Variants in SP100 observed in about 807,000 individuals in gnomAD.
The protein encoded by SP100 is SP100 nuclear body protein, also known as nuclear autoantigen Sp-100.
A neutral mutation model predicts 130.0 loss-of-function variants in SP100; 84 were observed. That is an observed-to-expected ratio of 0.65 (90% CI 0.54 to 0.77). The LOEUF (loss-of-function observed/expected upper bound fraction) is 0.77, where lower values mean the gene tolerates loss of function less well. Ranked by LOEUF, SP100 falls within the 30% of genes least tolerant of loss-of-function variation. The pLI is 0.00. For synonymous variants in SP100, 331 were observed against 351.7 expected, an observed-to-expected ratio of 0.94 and a Z score of 0.66; for missense variants, 978 against 1,052.2, an observed-to-expected ratio of 0.93 and a Z score of 0.97.
chr2:230,450,662 A>T (rs754689588), intron 8 of SP100, among the ~76,000 whole-genome samples: 2 of 152,166 alleles, frequency 1.3e-5, no homozygotes, highest in African/African-American at 2.4e-5. Context: ...TGTTACCACC[A>T]TATACTCTCA....
At chr2:230,528,433 T>G (rs28826020) in intron 24 of SP100, among the ~76,000 whole-genome samples, 3,868 of 152,296 alleles carry the variant, frequency 0.025, 159 homozygotes, top group African/African-American at 0.088. Context: ...AGGCAGTGTG[T>G]AGAGGGAAAT....
intron 8 of SP100, among the ~76,000 whole-genome samples, chr2:230,452,504 T>C (rs1051771449): frequency 6.6e-6 from 1 of 152,226 alleles, no homozygotes; most frequent in African/African-American, 2.4e-5. Context: ...GGTATTGCAC[T>C]GAATCTTTAG....
intron 8 of SP100, 56 bp downstream of exon 8, chr2:230,450,311 TTTGG>T (rs878983393): frequency 8.4e-5 from 115 of 1,370,456 alleles, no homozygotes; most frequent in Middle Eastern, 1.8e-4. Context: ...ATGCTATACA[TTTGG>T]TTGGTTGGTT....
chr2:230,468,274 C>CA, intron 13 of SP100, among the ~76,000 whole-genome samples: 1 of 152,094 alleles, frequency 6.6e-6, no homozygotes, highest in Admixed American at 6.5e-5. Context: ...CTTCAAAGTT[C>CA]AAAAAATGTT....
At chr2:230,417,687 CTTGTT>C (rs1375472207) in intron 2 of SP100, 22 bp downstream of exon 2, 7 of 1,604,308 alleles carry the variant, frequency 4.4e-6, no homozygotes, top group Non-Finnish European at 5.9e-6. Flanking sequence ...AGAGTTATGT[CTTGTT>C]TTAATTTGTA....
At chr2:230,492,381 T>G (rs1345762970) in intron 17 of SP100, among the ~76,000 whole-genome samples, 3 of 152,178 alleles carry the variant, frequency 2.0e-5, no homozygotes. Flanking sequence ...CAATATTAGC[T>G]GCAACCTCTA....
chr2:230,422,524 A>T (rs1390227530), intron 2 of SP100, among the ~76,000 whole-genome samples: 1 of 151,966 alleles, frequency 6.6e-6, no homozygotes, highest in Non-Finnish European at 1.5e-5. Flanking sequence ...ACACTGGCTT[A>T]CTCCTTGTCA....
chr2:230,440,963 AAAAAT>A (rs2063447429), intron 2 of SP100, among the ~76,000 whole-genome samples: 1 of 152,182 alleles, frequency 6.6e-6, no homozygotes, highest in African/African-American at 2.4e-5. Context: ...TAAAAGAAAA[AAAAAT>A]AAATTGGATT....
chr2:230,497,492 GAGA>G lies in SP100; in HGVS notation c.1646-968_1646-966del, dbSNP rs1559520367. On this transcript the variant is annotated intron_variant, in intron 18 of 28. Transcript: ENST00000340126. Reference sequence around the variant, plus strand: ...AGGAGGGGAGGGGAGGGGAGGGGAGGAGAGGAGAGGAGAGGAGAGGAGAGGAGA... The same window carrying G: ...AGGAGGGGAGGGGAGGGGAGGGGAGGGGAGAGGAGAGGAGAGGAGAGGAGA... 6.4e-4 allele frequency among the ~76,000 whole-genome samples: 16 copies of G among 25,004 alleles called. No individual in the cohort carries two copies. In the South Asian group the frequency reaches 9.3e-3, roughly 15 times the overall value. The allele number at this position is 25,004 out of a possible 152,430, so 16.4% of individuals were successfully genotyped here.
At chr2:230,516,816 G>A (rs1031688726) in intron 24 of SP100, among the ~76,000 whole-genome samples, 1 of 152,086 alleles carries the variant, frequency 6.6e-6, no homozygotes, top group Non-Finnish European at 1.5e-5. Context: ...CAATTGACAA[G>A]GAAATTTAGA....
intron 19 of SP100, among the ~76,000 whole-genome samples, chr2:230,499,491 C>A (rs200307910): frequency 8.7e-6 from 1 of 115,288 alleles, no homozygotes; most frequent in African/African-American, 2.9e-5. Flanking sequence ...TCTCTCTCTC[C>A]CCCTATATAT....
At chr2:230,440,314 A>G (rs1364213620) in intron 2 of SP100, among the ~76,000 whole-genome samples, 1 of 152,078 alleles carries the variant, frequency 6.6e-6, no homozygotes, top group African/African-American at 2.4e-5. Context: ...GCAATGCCAT[A>G]AATTCATGGT....
At chr2:230,431,669 AT>A (rs969995281) in intron 2 of SP100, among the ~76,000 whole-genome samples, 1 of 151,294 alleles carries the variant, frequency 6.6e-6, no homozygotes, top group Admixed American at 6.6e-5. Context: ...CTGGAAGACT[AT>A]TTTTTTTTAC....
chr2:230,434,104 T>G (rs549130924), intron 2 of SP100, among the ~76,000 whole-genome samples: 233 of 151,970 alleles, frequency 1.5e-3, no homozygotes, highest in African/African-American at 5.4e-3. Flanking sequence ...TTCCCTAACA[T>G]TTATTCTGAA....
intron 16 of SP100, among the ~76,000 whole-genome samples, chr2:230,474,188 A>T (rs2065418567): frequency 6.6e-6 from 1 of 152,242 alleles, no homozygotes; most frequent in African/African-American, 2.4e-5. Context: ...GCATAAAAGT[A>T]ATGAAGAGCT....
intron 24 of SP100, among the ~76,000 whole-genome samples, chr2:230,530,476 C>T (rs1448348070): frequency 2.6e-5 from 4 of 152,098 alleles, no homozygotes; most frequent in African/African-American, 9.7e-5. Context: ...CCATAAAAAC[C>T]CTAGAAGAAA....
intron 8 of SP100, among the ~76,000 whole-genome samples, chr2:230,454,858 CT>C (rs2064189299): frequency 6.6e-6 from 1 of 152,140 alleles, no homozygotes; most frequent in Admixed American, 6.5e-5. Context: ...CCTGGACAAT[CT>C]GTCCACTGCT....
In SP100 at chr2:230,457,879, C is replaced by A. The variant is rs141134060; in HGVS notation, c.821-3383C>A. On this transcript the variant is annotated intron_variant, in intron 8 of 28. Coordinates refer to ENST00000340126, the MANE Select transcript of SP100 (RefSeq NM_001080391.2). ...TCTTTATTTTTCTATAAGGGCAAAACTTCCCTTTGTTTTCTCATACTAACT... is the reference window on the plus strand; with the variant it reads ...TCTTTATTTTTCTATAAGGGCAAAAATTCCCTTTGTTTTCTCATACTAACT... 9.2e-4 allele frequency among the ~76,000 whole-genome samples: 140 copies of A among 152,306 alleles called. No homozygotes were observed. The Middle Eastern group carries it at 0.017, about 19-fold the overall frequency.
intron 17 of SP100, among the ~76,000 whole-genome samples, chr2:230,490,201 G>A (rs1341994757): frequency 6.6e-6 from 1 of 151,908 alleles, no homozygotes; most frequent in Non-Finnish European, 1.5e-5. Flanking sequence ...TATATATTTA[G>A]AATAGTTAGC....
Sources: gnomAD v4.1 joint callset for allele counts (sites outside exome capture counted in the v4.1 genomes callset) on GRCh38, gnomAD v4.1.1 for gene constraint, MANE v1.5 for transcripts, NCBI Gene and HGNC (gene_info 2026-07-23, HGNC 2026-07-21) for gene names.